GABRA2: variants seen among roughly 807,000 people sequenced by gnomAD.
GABRA2 encodes the protein gamma-aminobutyric acid type A receptor subunit alpha2, also known as gamma-aminobutyric acid receptor subunit alpha-2.
GABRA2 carries 16 observed loss-of-function variants against 48.7 expected under a neutral mutation model. The observed-to-expected ratio is 0.33, with a 90% CI of 0.22 to 0.50. The LOEUF (loss-of-function observed/expected upper bound fraction) is 0.50. Ranked by LOEUF, GABRA2 falls within the 20% of genes least tolerant of loss-of-function variation. The pLI, the probability that GABRA2 is intolerant of heterozygous loss-of-function variation, is 0.98. For missense variants in GABRA2, 275 were observed against 535.6 expected (o/e 0.51, Z 4.80); for synonymous variants, 185 against 184.5 (o/e 1.00, Z -0.02).
intron 6 of GABRA2, among the ~76,000 whole-genome samples, chr4:46,309,431 C>T (rs539185456): frequency 1.3e-4 from 20 of 152,136 alleles, no homozygotes; most frequent in African/African-American, 4.8e-4. Flanking sequence ...CTAAAAAGGT[C>T]AGGCAATAGG....
chr4:46,387,762 T>C (rs1426185680), intron 2 of GABRA2, among the ~76,000 whole-genome samples: 3 of 152,130 alleles, frequency 2.0e-5, no homozygotes, highest in African/African-American at 7.2e-5. Context: ...GACCATTACT[T>C]GGACAATTAA....
intron 6 of GABRA2, among the ~76,000 whole-genome samples, 179 bp from the exon 7 acceptor site, chr4:46,305,890 G>A (rs1726606120): frequency 6.6e-6 from 1 of 152,102 alleles, no homozygotes; most frequent in Non-Finnish European, 1.5e-5. Context: ...TTATGAAGTA[G>A]ACCAAAAGAG....
intron 3 of GABRA2, among the ~76,000 whole-genome samples, chr4:46,347,096 C>T (rs200234827): frequency 6.6e-6 from 1 of 151,708 alleles, no homozygotes; most frequent in Non-Finnish European, 1.5e-5. Flanking sequence ...TTGAAAATGA[C>T]ACATATAAAT....
At chr4:46,319,055 A>G (rs1251824563) in intron 4 of GABRA2, among the ~76,000 whole-genome samples, 2 of 151,742 alleles carry the variant, frequency 1.3e-5, no homozygotes. Flanking sequence ...ACTACTAAAA[A>G]TCTCCATTTA....
chr4:46,253,935 T>C (rs1192456450), intron 9 of GABRA2, among the ~76,000 whole-genome samples: 1 of 151,564 alleles, frequency 6.6e-6, no homozygotes, highest in Non-Finnish European at 1.5e-5. Context: ...AGACTGTTTC[T>C]CTTTGTTTAA....
intron 8 of GABRA2, among the ~76,000 whole-genome samples, chr4:46,298,411 G>A (rs948842017): frequency 2.6e-5 from 4 of 151,892 alleles, no homozygotes; most frequent in Non-Finnish European, 4.4e-5. Flanking sequence ...ATATGCATGG[G>A]TGTATGTGGG....
At chr4:46,258,449 G>A (rs1450013953) in intron 9 of GABRA2, among the ~76,000 whole-genome samples, 1 of 151,790 alleles carries the variant, frequency 6.6e-6, no homozygotes, top group Non-Finnish European at 1.5e-5. Flanking sequence ...GATGGCAAAT[G>A]GGGGGACAGT....
intron 3 of GABRA2, among the ~76,000 whole-genome samples, chr4:46,383,743 T>A (rs1255403065): frequency 6.6e-6 from 1 of 152,154 alleles, no homozygotes; most frequent in Non-Finnish European, 1.5e-5. Flanking sequence ...TTAAGATGAT[T>A]TGCATAGGAA....
intron 8 of GABRA2, among the ~76,000 whole-genome samples, chr4:46,278,357 A>G (rs992638479): frequency 6.6e-6 from 1 of 152,180 alleles, no homozygotes; most frequent in Non-Finnish European, 1.5e-5. Flanking sequence ...CTGTACATCA[A>G]TTTAAAGTAG....
rs1025233374 is a variant in GABRA2 at position 46,380,431 on chromosome 4, G to A, written c.187+5643C>T. On this transcript the variant is annotated intron_variant, in intron 3 of 9. Transcript: ENST00000381620. ...GTCAAAGCTTTTATAAATTAAATGC[G>A]ACATGGGTTGATATATTCTATTTCA... Among the ~76,000 whole-genome samples the A allele has an allele frequency of 2.6e-5, 4 of 152,218 alleles. No homozygotes were observed. In the East Asian group the frequency reaches 5.8e-4, roughly 22 times the overall value.
intron 3 of GABRA2, among the ~76,000 whole-genome samples, chr4:46,374,354 G>T (rs956112171): frequency 6.6e-6 from 1 of 152,104 alleles, no homozygotes; most frequent in Admixed American, 6.5e-5. Flanking sequence ...GTCCTGGGAA[G>T]TTTTAAACAT....
At chr4:46,330,483 T>G (rs1295238903) in intron 4 of GABRA2, among the ~76,000 whole-genome samples, 1 of 151,544 alleles carries the variant, frequency 6.6e-6, no homozygotes, top group African/African-American at 2.4e-5. Flanking sequence ...ACAAGTATGA[T>G]GTGAATTTGT....
chr4:46,382,561 C>A (rs1716904122), intron 3 of GABRA2, among the ~76,000 whole-genome samples: 1 of 152,058 alleles, frequency 6.6e-6, no homozygotes, highest in Non-Finnish European at 1.5e-5. Context: ...GACACCATTG[C>A]AAGGATCTGA....
At chr4:46,348,616 T>G (rs1015255106) in intron 3 of GABRA2, among the ~76,000 whole-genome samples, 2 of 151,868 alleles carry the variant, frequency 1.3e-5, no homozygotes, top group Non-Finnish European at 2.9e-5. Flanking sequence ...TGAGGTCATG[T>G]CCTTTGTAGG....
At chr4:46,276,345 A>G (rs999930936) in intron 8 of GABRA2, among the ~76,000 whole-genome samples, 1 of 152,104 alleles carries the variant, frequency 6.6e-6, no homozygotes. Flanking sequence ...AAAATGTACA[A>G]TACGACACCT....
rs1718015498 is a variant in GABRA2, at chr4:46,389,855, GAGA to G, written c.-134_-132del. On this transcript the variant is annotated 5_prime_UTR_variant, in exon 1 of 10. Transcript: ENST00000381620. ...AGAGAGAGAGAGAGAGAGAGAGAGAGAGAGAGACCGAGACTGCAGCAGCCAAGA... is the reference window on the plus strand; with the variant it reads ...AGAGAGAGAGAGAGAGAGAGAGAGAGGAGACCGAGACTGCAGCAGCCAAGA... 1.0e-6 allele frequency: 1 copy of G among 955,642 alleles called. No individual in the cohort carries two copies. The highest frequency in any genetic ancestry group is 1.9e-5 in the African/African-American group (1 of 52,462). The allele number at this position is 955,642 out of a possible 1,614,324, so 59.2% of individuals were successfully genotyped here. A position where few individuals can be genotyped will look rare whatever the true frequency, so the allele number is the denominator to read the frequency against.
intron 8 of GABRA2, among the ~76,000 whole-genome samples, chr4:46,285,089 T>G (rs1722293131): frequency 6.7e-6 from 1 of 150,290 alleles, no homozygotes; most frequent in South Asian, 2.1e-4. Flanking sequence ...TTTTCAAGCC[T>G]CATTCCAGGC....
chr4:46,385,409 A>T (rs754860834), intron 3 of GABRA2, among the ~76,000 whole-genome samples: 1 of 151,754 alleles, frequency 6.6e-6, no homozygotes, highest in African/African-American at 2.4e-5. Context: ...AAATATATTT[A>T]TTTTTCTGAA....
chr4:46,280,674 T>G (rs1287335979), intron 8 of GABRA2, among the ~76,000 whole-genome samples: 1 of 152,186 alleles, frequency 6.6e-6, no homozygotes, highest in African/African-American at 2.4e-5. Flanking sequence ...TACTGTGGAC[T>G]GACTGTGTTA....
Sources: allele counts gnomAD v4.1 joint callset (sites outside exome capture counted in the v4.1 genomes callset), GRCh38; gene constraint gnomAD v4.1.1; transcripts MANE v1.5; gene names NCBI Gene and HGNC (gene_info 2026-07-23, HGNC 2026-07-21).